Variants in NEDD4 observed in about 807,000 individuals in gnomAD.
NEDD4 encodes the protein NEDD4 E3 ubiquitin protein ligase.
Under a neutral mutation model 144.9 loss-of-function variants are expected in NEDD4, and 99 were observed. The observed-to-expected ratio is 0.68, with a 90% CI of 0.58 to 0.81. The LOEUF (loss-of-function observed/expected upper bound fraction) is 0.81. NEDD4 is among the 30% of genes least tolerant of loss of function. NEDD4 has a pLI of 0.00. For synonymous variants in NEDD4, 318 were observed against 350.6 expected (o/e 0.91, Z 1.04); for missense variants, 985 against 1,065.9 (o/e 0.92, Z 1.06).
intron 4 of NEDD4, among the ~76,000 whole-genome samples, chr15:55,930,691 A>G (rs2142248821): frequency 6.6e-6 from 1 of 152,266 alleles, no homozygotes; most frequent in East Asian, 1.9e-4. Context: ...CTAGGTGGAG[A>G]TAATTGAATC....
chr15:55,874,390 G>C (rs572815124), intron 5 of NEDD4, among the ~76,000 whole-genome samples: 3 of 152,170 alleles, frequency 2.0e-5, no homozygotes, highest in Non-Finnish European at 2.9e-5. Context: ...ATAATGCAGA[G>C]AGCCTAGAAC....
At chr15:55,832,572 G>A (rs1462724183) in intron 27 of NEDD4, among the ~76,000 whole-genome samples, 1 of 152,104 alleles carries the variant, frequency 6.6e-6, no homozygotes, top group African/African-American at 2.4e-5. Flanking sequence ...GCACCACCAA[G>A]CCCAGCTAAT....
intron 2 of NEDD4, among the ~76,000 whole-genome samples, chr15:55,962,401 C>T (rs761447669): frequency 1.3e-5 from 2 of 152,224 alleles, no homozygotes; most frequent in Non-Finnish European, 2.9e-5. Context: ...ATTTAGTCTA[C>T]AGGTTTATTG....
chr15:55,897,251 G>A (rs2035768193), intron 5 of NEDD4, among the ~76,000 whole-genome samples: 1 of 152,186 alleles, frequency 6.6e-6, no homozygotes, highest in South Asian at 2.1e-4. Flanking sequence ...GGGATTACAG[G>A]CGTGAGCCAC....
At chr15:55,831,472 T>C (rs1398769663) in intron 27 of NEDD4, among the ~76,000 whole-genome samples, 2 of 152,116 alleles carry the variant, frequency 1.3e-5, no homozygotes, top group South Asian at 2.1e-4. Context: ...GGGCATTTGT[T>C]TGCCCTGCCT....
intron 19 of NEDD4, 142 bp downstream of exon 19, chr15:55,841,792 C>T (rs930198136): frequency 3.3e-5 from 22 of 661,452 alleles, no homozygotes; most frequent in African/African-American, 3.3e-4. Flanking sequence ...AGGATGGTCT[C>T]GATATCCTGA....
chr15:55,903,839 A>AACAC (rs201876442), intron 5 of NEDD4, among the ~76,000 whole-genome samples: 24 of 106,206 alleles, frequency 2.3e-4, no homozygotes, highest in Admixed American at 7.5e-4. Context: ...AAAAAAAAAA[A>AACAC]ACACACATAT....
chr15:55,869,274 A>G (rs558994362), intron 8 of NEDD4, among the ~76,000 whole-genome samples: 14 of 152,334 alleles, frequency 9.2e-5, no homozygotes, highest in Admixed American at 8.5e-4. Context: ...CCATATATTT[A>G]ACTTCAAAAT....
intron 8 of NEDD4, among the ~76,000 whole-genome samples, 192 bp from the exon 9 acceptor site, chr15:55,863,271 AATG>A (rs1420589621): frequency 6.6e-6 from 1 of 152,182 alleles, no homozygotes; most frequent in East Asian, 1.9e-4. Context: ...TTTTTGCAAA[AATG>A]ATAACCATTT....
At chr15:55,838,839 T>C (rs1307451599) in intron 21 of NEDD4, among the ~76,000 whole-genome samples, 3 of 152,076 alleles carry the variant, frequency 2.0e-5, no homozygotes, top group Admixed American at 2.0e-4. Flanking sequence ...AATCAATTGG[T>C]GCCTACTTAA....
intron 8 of NEDD4, among the ~76,000 whole-genome samples, chr15:55,864,938 C>G (rs113608159): frequency 2.0e-5 from 3 of 151,992 alleles, no homozygotes; most frequent in Non-Finnish European, 4.4e-5. Context: ...TGGTTCATGC[C>G]TGCAATCTCA....
At chr15:55,930,695 T>C (rs1032382562) in intron 4 of NEDD4, among the ~76,000 whole-genome samples, 5 of 152,190 alleles carry the variant, frequency 3.3e-5, no homozygotes, top group African/African-American at 4.8e-5. Flanking sequence ...GTGGAGATAA[T>C]TGAATCATGG....
intron 5 of NEDD4, among the ~76,000 whole-genome samples, chr15:55,918,313 C>T (rs1479087627): frequency 6.6e-6 from 1 of 151,970 alleles, no homozygotes; most frequent in East Asian, 1.9e-4. Flanking sequence ...ATTTTAATTT[C>T]TCTCTCAAAT....
Position 55,859,257 on chromosome 15 carries a change from AT to A in NEDD4, c.960+1149del, listed in dbSNP as rs146882270. 2.6e-3 allele frequency among the ~76,000 whole-genome samples: 398 copies of A among 152,320 alleles called. 3 individuals carry two copies. Among genetic ancestry groups the A allele is most frequent in the African/African-American group, 9.4e-3 (389 of 41,584 alleles). On this transcript the variant is annotated intron_variant, in intron 11 of 28. Transcript: ENST00000435532. ...TATGAAGTTCTCATCGTGGAAGCAT[AT>A]GCTGGGATACTTTATTCTGAACCCT...
intron 14 of NEDD4, 109 bp downstream of exon 14, chr15:55,850,433 A>G: frequency 2.0e-6 from 2 of 984,590 alleles, no homozygotes; most frequent in Non-Finnish European, 3.1e-6. Context: ...CTTTCAATGA[A>G]TATTAGGAAA....
chr15:55,965,568 C>T (rs561534825), intron 2 of NEDD4, among the ~76,000 whole-genome samples: 1 of 152,262 alleles, frequency 6.6e-6, no homozygotes, highest in East Asian at 1.9e-4. Context: ...TTACCACTGC[C>T]ATGTTTTCTT....
intron 24 of NEDD4, among the ~76,000 whole-genome samples, chr15:55,836,331 GAC>G (rs10526731): frequency 0.012 from 1,712 of 148,024 alleles, 7 homozygotes; most frequent in South Asian, 0.016. Context: ...AAAAGTATGT[GAC>G]ACACACACAC....
Position 55,850,556 on chromosome 15 carries a change from T to C in NEDD4, c.1333A>G (p.Lys445Glu), listed in dbSNP as rs766395218. 27 of 1,614,060 alleles carry C rather than the reference T, an allele frequency of 1.7e-5. No individual in the cohort carries two copies. Among genetic ancestry groups the C allele is most frequent in the Non-Finnish European group, 2.2e-5 (26 of 1,180,020 alleles). ...GRPFFIDHNT[K>E]TTTWEDPRLK... ...ATCAAAGTTACCCAGGTGGTGGTTT[T>C]AGTGTTGTGGTCAATAAAGAAAGGC... The change falls in exon 14 of 29, where the codon AAA becomes GAA. Residue 445 changes from lysine (K) to glutamate (E), a missense_variant. Lys to Glu is a moderately conservative substitution (Grantham distance 56, BLOSUM62 1). Transcript: ENST00000435532.
intron 5 of NEDD4, among the ~76,000 whole-genome samples, chr15:55,885,567 T>C (rs1201778821): frequency 6.6e-6 from 1 of 152,184 alleles, no homozygotes; most frequent in East Asian, 1.9e-4. Context: ...TTAGAGTTTT[T>C]ATTAGTTTTC....
Sources: gnomAD v4.1 joint callset for allele counts (sites outside exome capture counted in the v4.1 genomes callset) on GRCh38, gnomAD v4.1.1 for gene constraint, MANE v1.5 for transcripts, NCBI Gene and HGNC (gene_info 2026-07-23, HGNC 2026-07-21) for gene names.